The following ALCAM variants were observed in gnomAD, a reference collection of about 807,000 sequenced individuals.
ALCAM encodes the protein activated leukocyte cell adhesion molecule.
Under a neutral mutation model 70.9 loss-of-function variants are expected in ALCAM, and 30 were observed. The observed-to-expected ratio is 0.42, with a 90% confidence interval of 0.32 to 0.57. The LOEUF (loss-of-function observed/expected upper bound fraction) is 0.57, where lower values mean the gene tolerates loss of function less well. ALCAM is among the 20% of genes least tolerant of loss of function. The pLI is 0.11. For synonymous variants in ALCAM, 249 were observed against 242.5 expected, an observed-to-expected ratio of 1.03 and a Z score of -0.25; for missense variants, 591 against 695.1, an observed-to-expected ratio of 0.85 and a Z score of 1.68.
chr3:105,476,724 C>T (rs986999728), intron 1 of ALCAM, among the ~76,000 whole-genome samples: 4 of 152,008 alleles, frequency 2.6e-5, no homozygotes, highest in African/African-American at 9.7e-5. Context: ...ACCTAGAAAA[C>T]ATTTGTTCAC....
At chr3:105,551,360 A>C (rs144487322) in intron 12 of ALCAM, among the ~76,000 whole-genome samples, 3 of 151,710 alleles carry the variant, frequency 2.0e-5, no homozygotes, top group African/African-American at 7.2e-5. Flanking sequence ...GGTATGCTTC[A>C]GTTTTCTAGG....
intron 1 of ALCAM, among the ~76,000 whole-genome samples, chr3:105,427,156 A>G (rs983448865): frequency 2.0e-5 from 3 of 151,894 alleles, no homozygotes; most frequent in African/African-American, 4.8e-5. Flanking sequence ...GAAAATGGAG[A>G]GAAAGAAAAC....
intron 1 of ALCAM, among the ~76,000 whole-genome samples, chr3:105,493,645 G>A (rs1938650572): frequency 6.6e-6 from 1 of 152,162 alleles, no homozygotes; most frequent in South Asian, 2.1e-4. Flanking sequence ...TCTGGAAAAT[G>A]GAAAAGGTAA....
chr3:105,550,876 G>GT (rs1172544691), intron 12 of ALCAM, among the ~76,000 whole-genome samples: 2 of 151,570 alleles, frequency 1.3e-5, no homozygotes, highest in Non-Finnish European at 3.0e-5. Flanking sequence ...TGAAATCAGG[G>GT]TAATACATAC....
At chr3:105,434,722 A>G (rs376118277) in intron 1 of ALCAM, among the ~76,000 whole-genome samples, 34 of 152,206 alleles carry the variant, frequency 2.2e-4, no homozygotes, top group African/African-American at 8.2e-4. Context: ...AATTCTCTAG[A>G]AATGAAGCAG....
chr3:105,565,004 C>G (rs147797527), intron 14 of ALCAM, among the ~76,000 whole-genome samples: 1 of 151,668 alleles, frequency 6.6e-6, no homozygotes, highest in Non-Finnish European at 1.5e-5. Context: ...CACTCCAGCC[C>G]GGGCAACAGA....
At chr3:105,497,460 A>T (rs1389588797) in intron 1 of ALCAM, among the ~76,000 whole-genome samples, 1 of 152,126 alleles carries the variant, frequency 6.6e-6, no homozygotes, top group African/African-American at 2.4e-5. Flanking sequence ...AGCCTTGCTT[A>T]TTATTTTTTT....
intron 1 of ALCAM, among the ~76,000 whole-genome samples, chr3:105,500,599 T>C (rs1938893547): frequency 6.6e-6 from 1 of 152,244 alleles, no homozygotes; most frequent in African/African-American, 2.4e-5. Flanking sequence ...AAAAATTCAG[T>C]ATCTTTAAAA....
intron 8 of ALCAM, among the ~76,000 whole-genome samples, chr3:105,543,634 C>T (rs1478328883): frequency 2.0e-5 from 3 of 151,598 alleles, no homozygotes; most frequent in Non-Finnish European, 4.4e-5. Context: ...CCTACAAATT[C>T]CTAGTTGCTG....
chr3:105,405,558 A>G (rs562671455), intron 1 of ALCAM, among the ~76,000 whole-genome samples: 7 of 152,332 alleles, frequency 4.6e-5, no homozygotes, highest in Admixed American at 3.9e-4. Context: ...AATGGACTTA[A>G]CAGATATTTA....
chr3:105,553,610 G>T (rs981222221), intron 14 of ALCAM, among the ~76,000 whole-genome samples: 1 of 151,824 alleles, frequency 6.6e-6, no homozygotes, highest in African/African-American at 2.4e-5. Flanking sequence ...AAAGATGCCA[G>T]TTCCAATGAA....
intron 1 of ALCAM, among the ~76,000 whole-genome samples, chr3:105,460,241 C>T (rs1937585438): frequency 6.6e-6 from 1 of 152,004 alleles, no homozygotes; most frequent in Non-Finnish European, 1.5e-5. Flanking sequence ...CCTTCCCATA[C>T]TAAACCCTCA....
intron 3 of ALCAM, among the ~76,000 whole-genome samples, chr3:105,529,326 C>G (rs975886495): frequency 6.6e-6 from 1 of 152,168 alleles, no homozygotes; most frequent in African/African-American, 2.4e-5. Context: ...CTTTTCCCTT[C>G]AATTCTATAC....
chr3:105,454,457 C>A (rs1298363303), intron 1 of ALCAM, among the ~76,000 whole-genome samples: 1 of 152,030 alleles, frequency 6.6e-6, no homozygotes, highest in Admixed American at 6.6e-5. Context: ...TCCCCGCATG[C>A]TTTCCTCTAT....
intron 1 of ALCAM, among the ~76,000 whole-genome samples, chr3:105,518,374 T>C (rs951684003): frequency 1.3e-5 from 2 of 152,132 alleles, no homozygotes; most frequent in Admixed American, 6.6e-5. Flanking sequence ...CAAAATGGTT[T>C]CCTTGGCTTT....
At chr3:105,382,399 T>C (rs1244706719) in intron 1 of ALCAM, among the ~76,000 whole-genome samples, 1 of 152,056 alleles carries the variant, frequency 6.6e-6, no homozygotes, top group Non-Finnish European at 1.5e-5. Context: ...ACAATAAACA[T>C]ACATGTGCAT....
At chr3:105,558,552 A>AC in intron 14 of ALCAM, among the ~76,000 whole-genome samples, 1 of 152,076 alleles carries the variant, frequency 6.6e-6, no homozygotes, top group East Asian at 1.9e-4. Context: ...CTTACGGGAT[A>AC]CCCCCAAAGC....
At chr3:105,503,702 T>C (rs1938987369) in intron 1 of ALCAM, among the ~76,000 whole-genome samples, 1 of 152,212 alleles carries the variant, frequency 6.6e-6, no homozygotes, top group Admixed American at 6.5e-5. Flanking sequence ...TTGTTTAAGC[T>C]ATTATTTAAG....
At chr3:105,534,568 A>G (rs1939922097) in intron 5 of ALCAM, 95 bp from the exon 6 acceptor site, 2 of 1,250,732 alleles carry the variant, frequency 1.6e-6, no homozygotes, top group African/African-American at 1.5e-5. Flanking sequence ...AGTTAGAAGG[A>G]AAAAAAACAC....
Sources: allele counts gnomAD v4.1 joint callset (sites outside exome capture counted in the v4.1 genomes callset), GRCh38; gene constraint gnomAD v4.1.1; transcripts MANE v1.5; gene names NCBI Gene and HGNC (gene_info 2026-07-23, HGNC 2026-07-21).